PEAK1: variants seen among roughly 807,000 people sequenced by gnomAD.
PEAK1 encodes the protein inactive tyrosine-protein kinase PEAK1.
PEAK1 carries 54 observed loss-of-function variants against 124.7 expected under a neutral mutation model. The observed-to-expected ratio is 0.43, with a 90% CI of 0.35 to 0.54. The LOEUF (loss-of-function observed/expected upper bound fraction) is 0.54. Ranked by LOEUF, PEAK1 falls within the 20% of genes least tolerant of loss-of-function variation. The pLI is 0.01. For synonymous variants in PEAK1, 719 were observed against 760.0 expected, an observed-to-expected ratio of 0.95 and a Z score of 0.89; for missense variants, 2,046 against 2,134.5, an observed-to-expected ratio of 0.96 and a Z score of 0.82.
At chr15:77,273,204 A>G (rs900479791) in intron 5 of PEAK1, among the ~76,000 whole-genome samples, 2 of 152,196 alleles carry the variant, frequency 1.3e-5, no homozygotes, top group African/African-American at 4.8e-5. Flanking sequence ...GAAAACTGGA[A>G]CAGGACAAGG....
intron 2 of PEAK1, among the ~76,000 whole-genome samples, chr15:77,343,682 C>T (rs1027350563): frequency 6.6e-6 from 1 of 152,016 alleles, no homozygotes; most frequent in Admixed American, 6.6e-5. Context: ...GATGGGATTT[C>T]ACCATGTTGG....
intron 1 of PEAK1, chr15:77,418,276 CAG>C (rs1231184391): frequency 1.0e-6 from 1 of 985,180 alleles, no homozygotes; most frequent in Non-Finnish European, 1.2e-6. Flanking sequence ...TAAGTTGGGA[CAG>C]GAGATGGGGG....
chr15:77,174,183 A>T (rs1039505977), intron 7 of PEAK1, among the ~76,000 whole-genome samples: 1 of 152,224 alleles, frequency 6.6e-6, no homozygotes, highest in Non-Finnish European at 1.5e-5. Context: ...AAACAGTTAA[A>T]TAAATGAACT....
chr15:77,187,204 C>G (rs2057589857), intron 6 of PEAK1, among the ~76,000 whole-genome samples: 1 of 152,124 alleles, frequency 6.6e-6, no homozygotes, highest in African/African-American at 2.4e-5. Context: ...AGGAGGTAGC[C>G]AGGATTCCAT....
In PEAK1 at chr15:77,398,288, CA is replaced by C. The variant is rs1192224871; in HGVS notation, c.-666+21717del. Among the ~76,000 whole-genome samples, 7 of 152,156 alleles carry C rather than the reference CA, an allele frequency of 4.6e-5. No individual in the cohort carries two copies. The South Asian group carries it at 1.4e-3, about 32-fold the overall frequency. On this transcript the variant is annotated intron_variant, in intron 1 of 9. Coordinates refer to ENST00000682557, the MANE Select transcript of PEAK1 (RefSeq NM_001385026.1). Reference sequence around the variant, plus strand: ...GTATTACCTTGATACCAAAACCACACAAAGACACATTTAAAAAAAAGAAAAA... The same window carrying C: ...GTATTACCTTGATACCAAAACCACACAAGACACATTTAAAAAAAAGAAAAA...
Position 77,114,518 on chromosome 15 carries a change from G to T in PEAK1, c.4879C>A (p.Arg1627Ser), listed in dbSNP as rs537881034. The T allele has an allele frequency of 3.1e-6, 5 of 1,614,074 alleles. No individual in the cohort carries two copies. In the African/African-American group the frequency reaches 5.3e-5, roughly 17 times the overall value. ...GAGTAGGGGGAGCGGAATGGGATGC[G>T]AGGCAGGTCTGCTCGTGTGTATTCC... ...EREYTRADLP[R>S]IPFRSPYSRG... Residue 1627 changes from arginine to serine, a missense_variant, in exon 10 of 10, where the codon CGC (arginine) becomes AGC (serine). Transcript: ENST00000682557.
At chr15:77,153,966 T>A (rs925015212) in intron 8 of PEAK1, among the ~76,000 whole-genome samples, 5 of 152,194 alleles carry the variant, frequency 3.3e-5, no homozygotes, top group South Asian at 4.1e-4. Context: ...ATTCTGTTGA[T>A]TTGGGGTGGA....
chr15:77,274,481 T>C (rs559661665), intron 5 of PEAK1, among the ~76,000 whole-genome samples: 2 of 151,858 alleles, frequency 1.3e-5, no homozygotes, highest in East Asian at 1.9e-4. Flanking sequence ...AAAGAAGATA[T>C]ACAAATGGCC....
chr15:77,317,103 C>T (rs2064927077), intron 2 of PEAK1, among the ~76,000 whole-genome samples: 2 of 151,802 alleles, frequency 1.3e-5, no homozygotes, highest in Admixed American at 6.6e-5. Context: ...AAATAAGATG[C>T]AAAACAATAC....
At chr15:77,369,750 T>C (rs896811304) in intron 1 of PEAK1, among the ~76,000 whole-genome samples, 3 of 151,904 alleles carry the variant, frequency 2.0e-5, no homozygotes, top group African/African-American at 4.9e-5. Flanking sequence ...CATGGCATCA[T>C]AGTATATTAG....
At position 77,375,508 on chromosome 15, in the gene PEAK1, T is replaced by C. The variant is rs535742272; in HGVS notation, c.-665-10283A>G. ...TCCAATGAATGTGACTATCTGAATATCTAAGGAAAACAATATAATTTAGTA... is the reference window on the plus strand; with the variant it reads ...TCCAATGAATGTGACTATCTGAATACCTAAGGAAAACAATATAATTTAGTA... On this transcript the variant is annotated intron_variant, in intron 1 of 9. Transcript: ENST00000682557. Among the ~76,000 whole-genome samples, 3 of 152,316 alleles carry C rather than the reference T, an allele frequency of 2.0e-5. No homozygotes were observed. In the East Asian group the frequency reaches 5.8e-4, roughly 29 times the overall value.
At chr15:77,184,349 G>A (rs922574096) in intron 6 of PEAK1, among the ~76,000 whole-genome samples, 1 of 150,438 alleles carries the variant, frequency 6.6e-6, no homozygotes, top group African/African-American at 2.4e-5. Flanking sequence ...TGAAGCAATT[G>A]AAACTCATAT....
intron 1 of PEAK1, chr15:77,418,162 A>C (rs939825691): frequency 2.0e-6 from 2 of 984,666 alleles, no homozygotes; most frequent in Non-Finnish European, 2.4e-6. Flanking sequence ...GGATAAAACG[A>C]ATAGTTGAGG....
intron 1 of PEAK1, among the ~76,000 whole-genome samples, chr15:77,408,489 A>G (rs1162582211): frequency 6.6e-6 from 1 of 152,066 alleles, no homozygotes; most frequent in African/African-American, 2.4e-5. Flanking sequence ...TAAAGAACTT[A>G]TCTGTGTAAC....
At chr15:77,253,533 C>T (rs1436542798) in intron 5 of PEAK1, among the ~76,000 whole-genome samples, 1 of 152,182 alleles carries the variant, frequency 6.6e-6, no homozygotes, top group Non-Finnish European at 1.5e-5. Flanking sequence ...AGCTTAGAAA[C>T]TCTTAGTAGT....
chr15:77,329,863 G>A (rs976366738), intron 2 of PEAK1, among the ~76,000 whole-genome samples: 4 of 152,114 alleles, frequency 2.6e-5, no homozygotes, highest in Non-Finnish European at 5.9e-5. Context: ...GGAAAATGCT[G>A]AATACAGTCC....
chr15:77,256,210 G>T (rs555248971), intron 5 of PEAK1, among the ~76,000 whole-genome samples: 67 of 152,210 alleles, frequency 4.4e-4, no homozygotes, highest in Admixed American at 1.4e-3. Flanking sequence ...TTGCATGACT[G>T]AAAAATATAA....
At chr15:77,348,723 AGTC>A (rs1303397085) in intron 2 of PEAK1, 2 of 984,198 alleles carry the variant, frequency 2.0e-6, no homozygotes, top group African/African-American at 3.5e-5. Flanking sequence ...AAGGCACCAA[AGTC>A]AGCCAGCTTC....
At chr15:77,372,788 C>A (rs1597483625) in intron 1 of PEAK1, among the ~76,000 whole-genome samples, 1 of 152,250 alleles carries the variant, frequency 6.6e-6, no homozygotes, top group African/African-American at 2.4e-5. Flanking sequence ...AATGGTTTAG[C>A]ACCATCCCCC....
Sources: allele counts gnomAD v4.1 joint callset (sites outside exome capture counted in the v4.1 genomes callset), GRCh38; gene constraint gnomAD v4.1.1; transcripts MANE v1.5; gene names NCBI Gene and HGNC (gene_info 2026-07-23, HGNC 2026-07-21).